The following GNG7 variants were observed in gnomAD, a reference collection of about 807,000 sequenced individuals.
GNG7 encodes guanine nucleotide-binding protein G(I)/G(S)/G(O) subunit gamma-7.
A neutral mutation model predicts 4.0 loss-of-function variants in GNG7; 1 was observed. The ratio of observed to expected loss-of-function variants is 0.25; its 90% CI spans 0.09 to 1.18. GNG7 has a LOEUF of 1.18. Ranked by LOEUF, GNG7 falls within the 50% of genes most tolerant of loss-of-function variation. GNG7 has a pLI of 0.50. For synonymous variants in GNG7, 34 were observed against 36.9 expected, an observed-to-expected ratio of 0.92 and a Z score of 0.29; for missense variants, 86 against 91.9, an observed-to-expected ratio of 0.94 and a Z score of 0.26.
chr19:2,588,571 T>C (rs543781686), intron 2 of GNG7, among the ~76,000 whole-genome samples: 6 of 152,252 alleles, frequency 3.9e-5, no homozygotes, highest in African/African-American at 1.4e-4. Flanking sequence ...CCGTGGAACT[T>C]TCTCCCGTCA....
rs1981749779 is a variant in GNG7, at chr19:2,617,366, G to A, written c.-78+28858C>T. 6.6e-6 allele frequency among the ~76,000 whole-genome samples: 1 copy of A among 152,208 alleles called. No homozygotes were observed. The highest frequency in any genetic ancestry group is 1.5e-5 in the Non-Finnish European group (1 of 68,030). On this transcript the variant is annotated intron_variant, in intron 2 of 4. Coordinates refer to ENST00000382159, the MANE Select transcript of GNG7 (RefSeq NM_052847.3). This position sits in a 1 kb window ranked among gnomAD's most constrained non-coding sequence, Gnocchi z 4.7. ...CAGGCACTGAGCCCGGCCCAGCCCT[G>A]CAGCTCTGACCCTGCCTTGGGCTGT...
intron 2 of GNG7, among the ~76,000 whole-genome samples, chr19:2,593,445 A>G (rs573929443): frequency 6.6e-6 from 1 of 152,294 alleles, no homozygotes; most frequent in African/African-American, 2.4e-5. Flanking sequence ...TAAAGATTTC[A>G]AAAGTATTAA....
At position 2,552,037 on chromosome 19, in the gene GNG7, C is replaced by T. The variant is rs114921767; in HGVS notation, c.-38+3112G>A. Reference sequence around the variant, plus strand: ...CGCTTGCATTCCCGCCTGAGCTCCGCCTCCTGTCCCATCAGCAGTGGCATC... The same window carrying T: ...CGCTTGCATTCCCGCCTGAGCTCCGTCTCCTGTCCCATCAGCAGTGGCATC... On this transcript the variant is annotated intron_variant, in intron 3 of 4. Transcript: ENST00000382159. Among the ~76,000 whole-genome samples the T allele has an allele frequency of 4.1e-3, 627 of 152,294 alleles. 3 individuals carry two copies. The highest frequency in any genetic ancestry group is 0.014 in the African/African-American group (584 of 41,572).
intron 3 of GNG7, among the ~76,000 whole-genome samples, chr19:2,530,656 G>C (rs1358310467): frequency 6.6e-6 from 1 of 151,820 alleles, no homozygotes; most frequent in African/African-American, 2.4e-5. Context: ...GGAGGCAGAG[G>C]TTGCAGTGAG....
At chr19:2,657,345 AAAAAAAAAAAAAAAAAAT>A (rs1248342388) in intron 1 of GNG7, among the ~76,000 whole-genome samples, 210 of 18,230 alleles carry the variant, frequency 0.012, 7 homozygotes, top group South Asian at 0.093. Flanking sequence ...ATTAAAAAAA[AAAAAAAAAAAAAAAAAAT>A]ATATATATAT....
intron 1 of GNG7, among the ~76,000 whole-genome samples, chr19:2,650,183 CTTTTTT>C (rs529803793): frequency 8.7e-5 from 11 of 126,004 alleles, no homozygotes; most frequent in African/African-American, 2.9e-4. Context: ...TCATAGGAAT[CTTTTTT>C]TTTTTTTTTT....
chr19:2,529,419 T>C (rs1335896815), intron 3 of GNG7, among the ~76,000 whole-genome samples: 2 of 152,040 alleles, frequency 1.3e-5, no homozygotes, highest in Admixed American at 6.5e-5. Context: ...GGTTTTGCCA[T>C]GTTGGCCAGG....
At chr19:2,550,592 G>C (rs756734677) in intron 3 of GNG7, among the ~76,000 whole-genome samples, 1 of 152,124 alleles carries the variant, frequency 6.6e-6, no homozygotes, top group Non-Finnish European at 1.5e-5. Context: ...AGTGACCATG[G>C]CCCTGCTGGG....
chr19:2,594,666 C>T (rs1347318383), intron 2 of GNG7, among the ~76,000 whole-genome samples: 1 of 152,116 alleles, frequency 6.6e-6, no homozygotes, highest in African/African-American at 2.4e-5. Flanking sequence ...GTAGAACCTT[C>T]AGAATGTTCT....
chr19:2,679,851 A>G (rs888519767), intron 1 of GNG7, among the ~76,000 whole-genome samples: 8 of 152,198 alleles, frequency 5.3e-5, no homozygotes, highest in African/African-American at 1.9e-4. Context: ...CAAGACCTAA[A>G]TCAAAGACAT....
chr19:2,634,816 G>A lies in GNG7; in HGVS notation c.-78+11408C>T, dbSNP rs1665968028. On this transcript the variant is annotated intron_variant, in intron 2 of 4. Transcript: ENST00000382159. The surrounding 1 kb of genome is among the most constrained non-coding windows in gnomAD (Gnocchi z 5.3). ...CCGCTCTGACTGGCCGCGGGGACTGGAGTTTGCTTACCACACAAGAGCCCT... is the reference window on the plus strand; with the variant it reads ...CCGCTCTGACTGGCCGCGGGGACTGAAGTTTGCTTACCACACAAGAGCCCT... Among the ~76,000 whole-genome samples the A allele has an allele frequency of 6.6e-6, 1 of 151,970 alleles. No individual in the cohort carries two copies. Among genetic ancestry groups the A allele is most frequent in the Non-Finnish European group, 1.5e-5 (1 of 68,014 alleles).
Position 2,511,427 on chromosome 19 carries a change from A to C in GNG7, c.*3595T>G, listed in dbSNP as rs1972654139. ...TGGAAACAGGAGACAGGTCTTTACGAAGGTTAGATGGGCAGCGGTTCCGTG... is the reference window on the plus strand; with the variant it reads ...TGGAAACAGGAGACAGGTCTTTACGCAGGTTAGATGGGCAGCGGTTCCGTG... On this transcript the variant is annotated 3_prime_UTR_variant, in exon 5 of 5. Coordinates refer to ENST00000382159, the MANE Select transcript of GNG7 (RefSeq NM_052847.3). The surrounding 1 kb of genome is among the most constrained non-coding windows in gnomAD (Gnocchi z 6.3). 1 of 152,350 alleles carries C rather than the reference A, an allele frequency of 6.6e-6. No individual in the cohort carries two copies. Among genetic ancestry groups the C allele is most frequent in the African/African-American group, 2.4e-5 (1 of 41,462 alleles). The allele number at this position is 152,350 out of a possible 1,614,324, so 9.4% of individuals were successfully genotyped here.
At chr19:2,519,811 C>A (rs1020834256) in intron 4 of GNG7, among the ~76,000 whole-genome samples, 4 of 152,080 alleles carry the variant, frequency 2.6e-5, no homozygotes, top group Non-Finnish European at 5.9e-5. Flanking sequence ...AGCCTGCTGG[C>A]CTACACTGCA....
chr19:2,562,687 AG>A (rs1979779962), intron 2 of GNG7, among the ~76,000 whole-genome samples: 2 of 152,082 alleles, frequency 1.3e-5, no homozygotes, highest in South Asian at 4.2e-4. Context: ...TACCCTGGTC[AG>A]GGGGGACAGG....
chr19:2,541,128 G>C (rs951269968), intron 3 of GNG7, among the ~76,000 whole-genome samples: 1 of 152,220 alleles, frequency 6.6e-6, no homozygotes, highest in South Asian at 2.1e-4. Context: ...AGCTACCGAG[G>C]GTTCCTCCAT....
chr19:2,602,897 T>TTTTCTTTCTTTC (rs375016997), intron 2 of GNG7, among the ~76,000 whole-genome samples: 23 of 103,394 alleles, frequency 2.2e-4, no homozygotes, highest in South Asian at 1.5e-3. Context: ...CTTTTTCTCT[T>TTTTCTTTCTTTC]TTTCTTTCTT....
rs1463722921 is a variant in GNG7, at chr19:2,633,481, G to GCA, written c.-78+12742_-78+12743insTG. ...GTTGCTTAGCAACAGGCGCGCGCGC[G>GCA]CGCGCGCACACACACACACACACAC... On this transcript the variant is annotated intron_variant, in intron 2 of 4. Coordinates refer to ENST00000382159, the MANE Select transcript of GNG7 (RefSeq NM_052847.3). This position sits in a 1 kb window ranked among gnomAD's most constrained non-coding sequence, Gnocchi z 5.9. 1.2e-5 allele frequency among the ~76,000 whole-genome samples: 1 copy of GCA among 80,356 alleles called. No homozygotes were observed. Among genetic ancestry groups the GCA allele is most frequent in the African/African-American group, 4.0e-5 (1 of 25,296 alleles). 52.7% of individuals were successfully genotyped at this position (80,356 alleles called of 152,430 possible).
intron 2 of GNG7, among the ~76,000 whole-genome samples, chr19:2,606,083 C>T (rs1460362513): frequency 6.6e-6 from 1 of 152,062 alleles, no homozygotes; most frequent in Admixed American, 6.6e-5. Context: ...AAGCAAGCCG[C>T]TTTTAAGAGT....
intron 1 of GNG7, among the ~76,000 whole-genome samples, chr19:2,665,654 G>A (rs2144883570): frequency 6.6e-6 from 1 of 152,220 alleles, no homozygotes; most frequent in East Asian, 1.9e-4. Flanking sequence ...GTCTGGCTGG[G>A]TGACCTTCAG....
Sources: allele counts gnomAD v4.1 joint callset (sites outside exome capture counted in the v4.1 genomes callset), GRCh38; gene constraint gnomAD v4.1.1; non-coding constraint Gnocchi (gnomAD v3.1); transcripts MANE v1.5; gene names NCBI Gene and HGNC (gene_info 2026-07-23, HGNC 2026-07-21).